RAD54B: variants seen among roughly 807,000 people sequenced by gnomAD.
The protein encoded by RAD54B is DNA repair and recombination protein RAD54B.
Under a neutral mutation model 95.8 loss-of-function variants are expected in RAD54B, and 78 were observed. The observed-to-expected ratio is 0.81, with a 90% CI of 0.68 to 0.98. The LOEUF is 0.98. Among genes scored for constraint, RAD54B ranks in the 50% least tolerant of loss-of-function variants. The pLI is 0.00. For synonymous variants in RAD54B, 328 were observed against 354.9 expected, an observed-to-expected ratio of 0.92 and a Z score of 0.85; for missense variants, 957 against 1,056.6, an observed-to-expected ratio of 0.91 and a Z score of 1.31.
chr8:94,396,983 C>T (rs1288567055), intron 8 of RAD54B, among the ~76,000 whole-genome samples: 1 of 152,152 alleles, frequency 6.6e-6, no homozygotes, highest in Admixed American at 6.6e-5. Flanking sequence ...ACCAAACCTG[C>T]TGACATCTTG....
chr8:94,413,203 G>T (rs1410448426), intron 3 of RAD54B, among the ~76,000 whole-genome samples: 1 of 152,082 alleles, frequency 6.6e-6, no homozygotes, highest in Non-Finnish European at 1.5e-5. Flanking sequence ...AGTAAAATTG[G>T]CAAGTTGATT....
At chr8:94,432,017 A>G (rs1812109717) in intron 3 of RAD54B, 6 of 1,371,460 alleles carry the variant, frequency 4.4e-6, no homozygotes, top group African/African-American at 1.5e-5. Flanking sequence ...AAGTTTTTCC[A>G]TAATAGAGAT....
intron 10 of RAD54B, among the ~76,000 whole-genome samples, chr8:94,390,847 C>T (rs557575634): frequency 2.3e-3 from 342 of 151,936 alleles, no homozygotes; most frequent in African/African-American, 7.3e-3. Context: ...AGTCTAAACA[C>T]GAAATTCATT....
At chr8:94,449,974 C>T (rs910658418) in intron 3 of RAD54B, among the ~76,000 whole-genome samples, 5 of 152,108 alleles carry the variant, frequency 3.3e-5, no homozygotes, top group African/African-American at 1.2e-4. Context: ...ATCATGTTTC[C>T]CCTTCTTCAG....
At chr8:94,437,031 G>A in intron 3 of RAD54B, 1 of 1,352,512 alleles carries the variant, frequency 7.4e-7, no homozygotes, top group Non-Finnish European at 9.6e-7. Flanking sequence ...AGCTTAAGCT[G>A]ACGCAGGTTC....
intron 2 of RAD54B, among the ~76,000 whole-genome samples, chr8:94,460,219 C>T (rs1274677495): frequency 1.3e-5 from 2 of 151,888 alleles, no homozygotes; most frequent in Non-Finnish European, 2.9e-5. Flanking sequence ...ACCTGTAATC[C>T]CAGCACTTTG....
At chr8:94,406,914 C>CT (rs920214015) in intron 5 of RAD54B, among the ~76,000 whole-genome samples, 3 of 151,160 alleles carry the variant, frequency 2.0e-5, no homozygotes, top group Non-Finnish European at 3.0e-5. Flanking sequence ...ATCTAGGTTT[C>CT]TTTTTTTTTA....
intron 8 of RAD54B, 120 bp downstream of exon 8, chr8:94,399,294 G>C (rs1285773050): frequency 1.3e-6 from 1 of 753,874 alleles, no homozygotes; most frequent in Non-Finnish European, 2.2e-6. Context: ...ATTAACACAG[G>C]TTTATTAGTA....
At chr8:94,380,438 A>C (rs1294331272) in intron 11 of RAD54B, 32 bp from the exon 12 acceptor site, 1 of 1,556,912 alleles carries the variant, frequency 6.4e-7, no homozygotes. Flanking sequence ...TCTTTAGATA[A>C]ATTTAAAGGC....
At chr8:94,392,109 C>A (rs1811036754) in intron 9 of RAD54B, among the ~76,000 whole-genome samples, 2 of 152,098 alleles carry the variant, frequency 1.3e-5, no homozygotes, top group South Asian at 4.1e-4. Context: ...TCACAGTCTC[C>A]TAAATAACAA....
chr8:94,372,667 C>G (rs907124963), intron 14 of RAD54B, among the ~76,000 whole-genome samples: 1 of 152,114 alleles, frequency 6.6e-6, no homozygotes, highest in East Asian at 1.9e-4. Context: ...AAATAATCAT[C>G]TGAAAAATGT....
In RAD54B at chr8:94,390,165, C is replaced by T. The variant is rs955523876; in HGVS notation, c.1809+1444G>A. On this transcript the variant is annotated intron_variant, in intron 10 of 14. Coordinates refer to ENST00000336148, the MANE Select transcript of RAD54B (RefSeq NM_012415.3). Reference sequence around the variant, plus strand: ...GACCAGCCTGGGCAATAGAGTGAGACCCCATCTCTATTTTTTAAAAAATAA... The same window carrying T: ...GACCAGCCTGGGCAATAGAGTGAGATCCCATCTCTATTTTTTAAAAAATAA... Among the ~76,000 whole-genome samples the T allele has an allele frequency of 7.9e-5, 12 of 151,396 alleles. 1 individual carries two copies. The highest frequency in any genetic ancestry group is 6.6e-4 in the Admixed American group (10 of 15,196).
intron 3 of RAD54B, among the ~76,000 whole-genome samples, chr8:94,451,211 C>T (rs1482087362): frequency 6.6e-6 from 1 of 152,066 alleles, no homozygotes; most frequent in African/African-American, 2.4e-5. Context: ...CTTATTGTGC[C>T]GGAAGCACAA....
At chr8:94,390,422 C>A (rs957937603) in intron 10 of RAD54B, among the ~76,000 whole-genome samples, 24 of 151,288 alleles carry the variant, frequency 1.6e-4, no homozygotes, top group Non-Finnish European at 2.1e-4. Flanking sequence ...ATCGCTTGAA[C>A]GTGGGAGGTG....
intron 3 of RAD54B, chr8:94,430,596 G>T: frequency 1.6e-6 from 1 of 607,558 alleles, no homozygotes; most frequent in Non-Finnish European, 2.1e-6. Context: ...AAGTGATGCT[G>T]ATGCTGCTGG....
chr8:94,425,061 CAAAAAAAAAA>C (rs71273335), intron 3 of RAD54B, among the ~76,000 whole-genome samples: 15 of 82,368 alleles, frequency 1.8e-4, no homozygotes, highest in Admixed American at 4.9e-4. Flanking sequence ...GACCCCATCT[CAAAAAAAAAA>C]AAAAAAAAAA....
At chr8:94,372,760 C>T (rs370157198) in intron 14 of RAD54B, among the ~76,000 whole-genome samples, 31 of 152,122 alleles carry the variant, frequency 2.0e-4, no homozygotes, top group Non-Finnish European at 8.8e-5. Context: ...TCTGGGTCAG[C>T]ATTCCATAAT....
chr8:94,372,985 A>G (rs958942700), intron 14 of RAD54B: 6 of 152,324 alleles, frequency 3.9e-5, no homozygotes, highest in African/African-American at 1.4e-4. Context: ...TAAGGGTATG[A>G]AGGAAAGATA....
rs1165757045 is a variant in RAD54B at position 94,395,794 on chromosome 8, C to T, written c.1379-1912G>A. Among the ~76,000 whole-genome samples, 8 of 152,204 alleles carry T rather than the reference C, an allele frequency of 5.3e-5. No individual in the cohort carries two copies. In the South Asian group the frequency reaches 1.2e-3, roughly 24 times the overall value. ...CTAGCTGTGATGTCTGGAACTGCTG[C>T]AGTCACTTGCTACCAGCCTGAGGAT... On this transcript the variant is annotated intron_variant, in intron 8 of 14. Coordinates refer to ENST00000336148, the MANE Select transcript of RAD54B (RefSeq NM_012415.3).
Sources: gnomAD v4.1 joint callset for allele counts (sites outside exome capture counted in the v4.1 genomes callset) on GRCh38, gnomAD v4.1.1 for gene constraint, MANE v1.5 for transcripts, NCBI Gene and HGNC (gene_info 2026-07-23, HGNC 2026-07-21) for gene names.